The following KCNQ3 variants were observed in gnomAD, a reference collection of about 807,000 sequenced individuals.
KCNQ3 encodes potassium voltage-gated channel subfamily KQT member 3.
KCNQ3 carries 30 observed loss-of-function variants against 92.5 expected under a neutral mutation model. That is an observed-to-expected ratio of 0.32 (90% CI 0.24 to 0.44). The LOEUF is 0.44. KCNQ3 is among the 20% of genes least tolerant of loss of function. The probability of loss-of-function intolerance (pLI) is 1.00; values close to 1 mark genes in which losing one functional copy is unlikely to be tolerated. For missense variants in KCNQ3, 913 were observed against 1,140.3 expected, an observed-to-expected ratio of 0.80 and a Z score of 2.87; for synonymous variants, 450 against 468.8, an observed-to-expected ratio of 0.96 and a Z score of 0.52.
At chr8:132,157,489 G>A (rs1344219275) in intron 9 of KCNQ3, among the ~76,000 whole-genome samples, 2 of 152,102 alleles carry the variant, frequency 1.3e-5, no homozygotes, top group African/African-American at 4.8e-5. Flanking sequence ...AAATGTCAGT[G>A]TTCAGATATG....
chr8:132,386,034 T>TG (rs199562341), intron 1 of KCNQ3, among the ~76,000 whole-genome samples: 2,014 of 151,926 alleles, frequency 0.013, 36 homozygotes, highest in African/African-American at 0.046. Context: ...GGCCCTGGGA[T>TG]GGGGGGATGG....
In KCNQ3 at chr8:132,123,155, CCT is replaced by C. The variant is rs1824541454; in HGVS notation, c.*6105_*6106del. On this transcript the variant is annotated 3_prime_UTR_variant, in exon 15 of 15. Transcript: ENST00000388996. ...CCATAGGGATTTATCAAGAAGAAAC[CCT>C]GTTTAATTGGCCTATAGATGAGGAT... 1 of 152,094 alleles carries C rather than the reference CCT, an allele frequency of 6.6e-6. No individual in the cohort carries two copies. 9.4% of individuals were successfully genotyped at this position (152,094 alleles called of 1,614,324 possible). A position where few individuals can be genotyped will look rare whatever the true frequency, so the allele number is the denominator to read the frequency against.
chr8:132,214,126 T>G (rs1354349661), intron 1 of KCNQ3, among the ~76,000 whole-genome samples: 1 of 152,196 alleles, frequency 6.6e-6, no homozygotes. Context: ...GTCCTGGCTG[T>G]GCCCCCAAAT....
intron 1 of KCNQ3, among the ~76,000 whole-genome samples, chr8:132,433,745 C>T (rs1286881030): frequency 6.6e-6 from 1 of 151,958 alleles, no homozygotes; most frequent in Non-Finnish European, 1.5e-5. Context: ...CCAAAATTAG[C>T]TGGATGTGGT....
Position 132,228,208 on chromosome 8 carries a change from T to C in KCNQ3, c.387-42027A>G, listed in dbSNP as rs80321343. ...TTCTTGATTTACAGAAATAAGTCCA[T>C]ATGATTTCTCAAATAGTGGGCCCTT... On this transcript the variant is annotated intron_variant, in intron 1 of 14. Transcript: ENST00000388996. Among the ~76,000 whole-genome samples, 1,194 of 152,302 alleles carry C rather than the reference T, an allele frequency of 7.8e-3. 17 individuals are homozygous for C. Among genetic ancestry groups the C allele is most frequent in the African/African-American group, 0.027 (1,122 of 41,554 alleles).
At chr8:132,463,928 T>C (rs1439740783) in intron 1 of KCNQ3, among the ~76,000 whole-genome samples, 1 of 152,212 alleles carries the variant, frequency 6.6e-6, no homozygotes, top group Non-Finnish European at 1.5e-5. Context: ...TTCATGCCTG[T>C]AATCCCAGCA....
chr8:132,125,045 T>G lies in KCNQ3; in HGVS notation c.*4217A>C, dbSNP rs1368603095. ...AGTCTGTATCATAAGCTTCTCTTGG[T>G]CAACATAATGAAATGAAAGTAACTC... is the stretch of plus-strand genomic sequence containing the variant. On this transcript the variant is annotated 3_prime_UTR_variant, in exon 15 of 15. Transcript: ENST00000388996. 1.3e-5 allele frequency: 2 copies of G among 152,202 alleles called. No homozygotes were observed. Among genetic ancestry groups the G allele is most frequent in the African/African-American group, 2.4e-5 (1 of 41,444 alleles). 9.4% of individuals were successfully genotyped at this position (152,202 alleles called of 1,614,324 possible). A position where few individuals can be genotyped will look rare whatever the true frequency, so the allele number is the denominator to read the frequency against.
At chr8:132,187,833 T>A (rs60441423) in intron 1 of KCNQ3, among the ~76,000 whole-genome samples, 79 of 77,264 alleles carry the variant, frequency 1.0e-3, no homozygotes, top group African/African-American at 4.3e-3. Flanking sequence ...TGGTGGTGAT[T>A]GTGGTGGTGG....
chr8:132,375,201 A>C (rs1819575852), intron 1 of KCNQ3, among the ~76,000 whole-genome samples: 1 of 152,206 alleles, frequency 6.6e-6, no homozygotes, highest in African/African-American at 2.4e-5. Flanking sequence ...ACTGCATTAC[A>C]AACTAAAACT....
intron 1 of KCNQ3, among the ~76,000 whole-genome samples, chr8:132,391,626 G>T (rs1039934177): frequency 6.6e-6 from 1 of 152,202 alleles, no homozygotes; most frequent in Admixed American, 6.5e-5. Context: ...TGAGGGAAAA[G>T]AGAGTAGGAA....
chr8:132,332,937 C>T (rs1331770774), intron 1 of KCNQ3, among the ~76,000 whole-genome samples: 2 of 152,148 alleles, frequency 1.3e-5, no homozygotes, highest in African/African-American at 4.8e-5. Context: ...TAACTGTGAG[C>T]ACCTTGAGTT....
At chr8:132,169,662 T>C (rs1169625798) in intron 8 of KCNQ3, among the ~76,000 whole-genome samples, 2 of 152,140 alleles carry the variant, frequency 1.3e-5, no homozygotes, top group African/African-American at 4.8e-5. Flanking sequence ...CTCAACCCAC[T>C]GATCCTGCTC....
chr8:132,459,155 G>C (rs1822006583), intron 1 of KCNQ3, among the ~76,000 whole-genome samples: 1 of 152,134 alleles, frequency 6.6e-6, no homozygotes, highest in Admixed American at 6.5e-5. Flanking sequence ...CGGGGGTTAT[G>C]GGATTTGTGG....
intron 8 of KCNQ3, among the ~76,000 whole-genome samples, 159 bp downstream of exon 8, chr8:132,170,175 A>G (rs1393750822): frequency 6.6e-6 from 1 of 152,114 alleles, no homozygotes; most frequent in East Asian, 1.9e-4. Flanking sequence ...GCCCAGCCAG[A>G]ACTGTTTAAG....
intron 1 of KCNQ3, among the ~76,000 whole-genome samples, chr8:132,219,082 T>C (rs1586837917): frequency 6.6e-6 from 1 of 152,308 alleles, no homozygotes; most frequent in South Asian, 2.1e-4. Flanking sequence ...AAAAGGAAAG[T>C]GATTTGGCTA....
chr8:132,433,970 A>G (rs1344103035), intron 1 of KCNQ3, among the ~76,000 whole-genome samples: 2 of 152,142 alleles, frequency 1.3e-5, no homozygotes, highest in Non-Finnish European at 2.9e-5. Context: ...GCACTTTGGG[A>G]GGCCGAGGCG....
At chr8:132,241,257 G>A (rs1214422248) in intron 1 of KCNQ3, among the ~76,000 whole-genome samples, 1 of 152,086 alleles carries the variant, frequency 6.6e-6, no homozygotes, top group African/African-American at 2.4e-5. Context: ...TGTTAAATAA[G>A]TTGCCCAAGG....
chr8:132,305,821 T>G (rs767443666), intron 1 of KCNQ3, among the ~76,000 whole-genome samples: 3 of 152,172 alleles, frequency 2.0e-5, no homozygotes, highest in Non-Finnish European at 4.4e-5. Flanking sequence ...TGTTCCCTTA[T>G]CCTTGCCCAT....
At chr8:132,132,410 G>A in intron 13 of KCNQ3, 146 bp from the exon 14 acceptor site, 1 of 710,332 alleles carries the variant, frequency 1.4e-6, no homozygotes, top group South Asian at 1.5e-5. Flanking sequence ...CAACTCTGGA[G>A]GCATATGTGA....
Sources: allele counts gnomAD v4.1 joint callset (sites outside exome capture counted in the v4.1 genomes callset), GRCh38; gene constraint gnomAD v4.1.1; transcripts MANE v1.5; gene names NCBI Gene and HGNC (gene_info 2026-07-23, HGNC 2026-07-21).